BMPR1B: variants seen among roughly 807,000 people sequenced by gnomAD.
BMPR1B encodes bone morphogenetic protein receptor type-1B.
BMPR1B carries 12 observed loss-of-function variants against 59.1 expected under a neutral mutation model. The ratio of observed to expected loss-of-function variants is 0.20; its 90% CI spans 0.13 to 0.33. The LOEUF (loss-of-function observed/expected upper bound fraction) is 0.33, where lower values mean the gene tolerates loss of function less well. BMPR1B is among the 10% of genes least tolerant of loss of function. BMPR1B has a pLI of 1.00. For missense variants in BMPR1B, 550 were observed against 610.9 expected, an observed-to-expected ratio of 0.90 and a Z score of 1.05; for synonymous variants, 237 against 207.3, an observed-to-expected ratio of 1.14 and a Z score of -1.23.
rs1223077498 is a variant in BMPR1B at position 94,816,567 on chromosome 4, A to G, written c.-183+58499A>G. Among the ~76,000 whole-genome samples, 4 of 152,192 alleles carry G rather than the reference A, an allele frequency of 2.6e-5. No homozygotes were observed. In the East Asian group the frequency reaches 7.7e-4, roughly 29 times the overall value. ...TACGGATCTAAATTAGTATTTCTGC[A>G]TTATTGACCATTCTTCATTTTGCCA... On this transcript the variant is annotated intron_variant, in intron 1 of 12. Transcript: ENST00000515059.
intron 1 of BMPR1B, among the ~76,000 whole-genome samples, chr4:94,774,044 A>C (rs1438678942): frequency 6.6e-6 from 1 of 152,036 alleles, no homozygotes; most frequent in African/African-American, 2.4e-5. Flanking sequence ...TCCTTTTAAG[A>C]CACTATATTT....
At chr4:94,951,215 C>A (rs1729922130) in intron 2 of BMPR1B, among the ~76,000 whole-genome samples, 1 of 152,210 alleles carries the variant, frequency 6.6e-6, no homozygotes, top group Non-Finnish European at 1.5e-5. Context: ...ATGTCATCTG[C>A]AAACAGAGAT....
chr4:94,962,150 TC>T (rs67656237), intron 2 of BMPR1B, among the ~76,000 whole-genome samples: 69,087 of 134,572 alleles, frequency 0.51, 19,035 homozygotes, highest in South Asian at 0.63. Context: ...CTTTCTTTTT[TC>T]TTTTTTTTGA....
intron 3 of BMPR1B, among the ~76,000 whole-genome samples, chr4:95,030,207 A>G (rs1035979752): frequency 3.9e-5 from 6 of 152,238 alleles, no homozygotes; most frequent in African/African-American, 1.4e-4. Flanking sequence ...TATGTCCTGA[A>G]TGGTAATGCC....
In BMPR1B at chr4:95,000,504, CGAAAGAAA is replaced by C. The variant is rs1553925527; in HGVS notation, c.-18+4381_-18+4388del. Among the ~76,000 whole-genome samples, 8 of 149,600 alleles carry C rather than the reference CGAAAGAAA, an allele frequency of 5.3e-5. No individual in the cohort carries two copies. In the East Asian group the frequency reaches 1.4e-3, roughly 26 times the overall value. On this transcript the variant is annotated intron_variant, in intron 3 of 12. Coordinates refer to ENST00000515059, the MANE Select transcript of BMPR1B (RefSeq NM_001203.3). ...CTGGCGACAGAGCAAGACTCCATAT[CGAAAGAAA>C]GAAAGAAAGAGAGAGAGAGAAAGAG... is the stretch of plus-strand genomic sequence containing the variant.
intron 8 of BMPR1B, among the ~76,000 whole-genome samples, chr4:95,125,736 A>G (rs1261575200): frequency 6.6e-6 from 1 of 152,184 alleles, no homozygotes; most frequent in African/African-American, 2.4e-5. Flanking sequence ...GAGTTCTTCC[A>G]GTGTTTCTTG....
chr4:94,819,147 T>C (rs1724115343), intron 1 of BMPR1B, among the ~76,000 whole-genome samples: 1 of 152,000 alleles, frequency 6.6e-6, no homozygotes, highest in South Asian at 2.1e-4. Context: ...AATAAAATTT[T>C]TTTTTTTTTC....
chr4:94,843,488 A>G (rs1725180871), intron 1 of BMPR1B, among the ~76,000 whole-genome samples: 2 of 152,130 alleles, frequency 1.3e-5, no homozygotes, highest in Admixed American at 6.5e-5. Context: ...ACTTCAGATG[A>G]ATGGTAATGG....
intron 10 of BMPR1B, among the ~76,000 whole-genome samples, chr4:95,138,933 G>T (rs111630020): frequency 2.0e-5 from 3 of 152,118 alleles, no homozygotes; most frequent in Non-Finnish European, 2.9e-5. Context: ...GTCATTCTCC[G>T]TGCAGCTTTG....
intron 3 of BMPR1B, among the ~76,000 whole-genome samples, chr4:95,096,789 ATATC>A (rs1220922240): frequency 2.9e-4 from 40 of 137,934 alleles, no homozygotes; most frequent in Non-Finnish European, 4.4e-4. Context: ...ATATAACTAT[ATATC>A]TATATATAGA....
chr4:95,120,387 A>G (rs1291667939), intron 6 of BMPR1B, among the ~76,000 whole-genome samples: 3 of 152,190 alleles, frequency 2.0e-5, no homozygotes, highest in Non-Finnish European at 2.9e-5. Context: ...CATCACTCCT[A>G]TTCAGCATAG....
chr4:94,784,028 T>C (rs1279887442), intron 1 of BMPR1B, among the ~76,000 whole-genome samples: 1 of 152,154 alleles, frequency 6.6e-6, no homozygotes, highest in Non-Finnish European at 1.5e-5. Flanking sequence ...TCAACCTTCT[T>C]ACCAAGATTT....
In BMPR1B at chr4:95,158,265, TG is replaced by T. The variant is rs1735551340; in HGVS notation, c.*3593del. The T allele has an allele frequency of 6.6e-6, 1 of 152,206 alleles. No individual in the cohort carries two copies. Among genetic ancestry groups the T allele is most frequent in the South Asian group, 2.1e-4 (1 of 4,830 alleles). 9.4% of individuals were successfully genotyped at this position (152,206 alleles called of 1,614,324 possible). ...AAAGTTGGCAATATAGGGGTTTCGTTGTCTGTTTCACAAGAAGACTCATTTG... is the reference window on the plus strand; with the variant it reads ...AAAGTTGGCAATATAGGGGTTTCGTTTCTGTTTCACAAGAAGACTCATTTG... On this transcript the variant is annotated 3_prime_UTR_variant, in exon 13 of 13. Transcript: ENST00000515059.
At chr4:94,782,179 T>G (rs567479268) in intron 1 of BMPR1B, among the ~76,000 whole-genome samples, 1 of 152,114 alleles carries the variant, frequency 6.6e-6, no homozygotes, top group East Asian at 1.9e-4. Context: ...TTATTTTTCT[T>G]CGTTTCTAAA....
intron 3 of BMPR1B, among the ~76,000 whole-genome samples, chr4:95,024,850 C>T (rs560698422): frequency 6.6e-6 from 1 of 152,250 alleles, no homozygotes; most frequent in African/African-American, 2.4e-5. Flanking sequence ...CACCTGTAAT[C>T]CCAGCACTTT....
chr4:95,013,612 C>A (rs570089611), intron 3 of BMPR1B, among the ~76,000 whole-genome samples: 1 of 151,952 alleles, frequency 6.6e-6, no homozygotes, highest in South Asian at 2.1e-4. Context: ...AATTAGAAAA[C>A]GTAAACTTTC....
chr4:94,941,917 C>T (rs1729532948), intron 2 of BMPR1B, among the ~76,000 whole-genome samples: 1 of 152,186 alleles, frequency 6.6e-6, no homozygotes, highest in African/African-American at 2.4e-5. Context: ...CCAGCTGTGC[C>T]CAAACATTTC....
intron 10 of BMPR1B, among the ~76,000 whole-genome samples, chr4:95,136,025 G>C (rs28830496): frequency 0.038 from 5,854 of 152,134 alleles, 174 homozygotes; most frequent in Middle Eastern, 0.099. Flanking sequence ...TTATTATTTT[G>C]AGATACGTCC....
intron 3 of BMPR1B, among the ~76,000 whole-genome samples, chr4:95,056,912 A>G (rs1237911780): frequency 6.6e-6 from 1 of 152,264 alleles, no homozygotes; most frequent in Non-Finnish European, 1.5e-5. Context: ...ATGCATTTGC[A>G]TAAGTGCCAT....
Sources: gnomAD v4.1 joint callset for allele counts (sites outside exome capture counted in the v4.1 genomes callset) on GRCh38, gnomAD v4.1.1 for gene constraint, MANE v1.5 for transcripts, NCBI Gene and HGNC (gene_info 2026-07-23, HGNC 2026-07-21) for gene names.